The following CAMTA1 variants were observed in gnomAD, a reference collection of about 807,000 sequenced individuals.
CAMTA1 encodes calmodulin binding transcription activator 1, also known as calmodulin-binding transcription activator 1.
CAMTA1 carries 27 observed loss-of-function variants against 170.9 expected under a neutral mutation model. The ratio of observed to expected loss-of-function variants is 0.16; its 90% CI spans 0.12 to 0.22. CAMTA1 has a LOEUF of 0.22. Among genes scored for constraint, CAMTA1 ranks in the 10% least tolerant of loss-of-function variants. The pLI, the probability that CAMTA1 is intolerant of heterozygous loss-of-function variation, is 1.00. For missense variants in CAMTA1, 1,619 were observed against 2,217.2 expected (o/e 0.73, Z 5.42); for synonymous variants, 833 against 891.5 (o/e 0.93, Z 1.17).
At chr1:7,441,561 G>A (rs868815202) in intron 5 of CAMTA1, 8 of 152,244 alleles carry the variant, frequency 5.3e-5, no homozygotes, top group African/African-American at 1.4e-4. Flanking sequence ...CGCGAGCCAC[G>A]GGAGCTTGCA....
intron 3 of CAMTA1, among the ~76,000 whole-genome samples, chr1:7,052,373 T>A (rs929718915): frequency 1.3e-5 from 2 of 152,268 alleles, no homozygotes; most frequent in Admixed American, 6.5e-5. Flanking sequence ...GCCCTGGGTC[T>A]GTTCTCTGTG....
At chr1:7,762,351 T>C (rs1312149307) in intron 22 of CAMTA1, among the ~76,000 whole-genome samples, 1 of 152,250 alleles carries the variant, frequency 6.6e-6, no homozygotes, top group African/African-American at 2.4e-5. Context: ...CCTTAACTAA[T>C]AACAAGGTGA....
In CAMTA1 at chr1:7,535,186, C is replaced by T. The variant is rs114062963; in HGVS notation, c.510+67285C>T. ...CAGTGAGTTTCAGTGAATGAATGAA[C>T]GAATGACTCTGGTGACAAGGGGCTC... On this transcript the variant is annotated intron_variant, in intron 6 of 22. Coordinates refer to ENST00000303635, the MANE Select transcript of CAMTA1 (RefSeq NM_015215.4). 5.1e-3 allele frequency among the ~76,000 whole-genome samples: 778 copies of T among 152,218 alleles called. 6 individuals are homozygous for T. The highest frequency in any genetic ancestry group is 0.018 in the African/African-American group (738 of 41,524).
chr1:7,047,035 C>T (rs942048107), intron 3 of CAMTA1, among the ~76,000 whole-genome samples: 1 of 152,106 alleles, frequency 6.6e-6, no homozygotes, highest in Non-Finnish European at 1.5e-5. Context: ...TTGGCTCATG[C>T]AGGGTGAGCA....
At chr1:7,501,216 C>A (rs1479862499) in intron 6 of CAMTA1, among the ~76,000 whole-genome samples, 1 of 152,172 alleles carries the variant, frequency 6.6e-6, no homozygotes, top group African/African-American at 2.4e-5. Context: ...CCTGCCCTTC[C>A]AGTCAGCAGA....
At chr1:7,660,455 T>C (rs1328488748) in intron 7 of CAMTA1, among the ~76,000 whole-genome samples, 1 of 152,184 alleles carries the variant, frequency 6.6e-6, no homozygotes. Flanking sequence ...GGAGGATCAC[T>C]TGAACCCACG....
chr1:7,422,832 C>G lies in CAMTA1; in HGVS notation c.439-44998C>G, dbSNP rs17030809. ...CCCCTACATTGGGGTCTGCAAGCAC[C>G]AAGTGGAGGGCATGCTTTCCATTGG... On this transcript the variant is annotated intron_variant, in intron 5 of 22. Transcript: ENST00000303635. 7.2e-3 allele frequency among the ~76,000 whole-genome samples: 1,092 copies of G among 152,310 alleles called. 11 individuals carry two copies. The highest frequency in any genetic ancestry group is 0.025 in the African/African-American group (1,047 of 41,566).
At chr1:7,369,932 A>C (rs567251156) in intron 5 of CAMTA1, 4 of 152,370 alleles carry the variant, frequency 2.6e-5, no homozygotes, top group African/African-American at 7.2e-5. Context: ...GAGAGTGTCT[A>C]GGAACTAAAT....
In CAMTA1 at chr1:7,681,185, C is replaced by T. The variant is rs1250405576; in HGVS notation, c.2914+3452C>T. The stretch of plus-strand genomic sequence containing the variant: ...CCACTGTGAGCTCCAGGGTCAAAGG[C>T]CCTGTCTGCTGGACCCCCATCACTT... On this transcript the variant is annotated intron_variant, in intron 11 of 22. Transcript: ENST00000303635. This position sits in a 1 kb window ranked among gnomAD's most constrained non-coding sequence, Gnocchi z 4.6. Among the ~76,000 whole-genome samples the T allele has an allele frequency of 6.6e-6, 1 of 152,192 alleles. No homozygotes were observed. Among genetic ancestry groups the T allele is most frequent in the African/African-American group, 2.4e-5 (1 of 41,452 alleles).
chr1:7,474,590 C>T (rs1028380422), intron 6 of CAMTA1, among the ~76,000 whole-genome samples: 6 of 152,222 alleles, frequency 3.9e-5, no homozygotes, highest in African/African-American at 1.4e-4. Flanking sequence ...CCCTAGCATC[C>T]CACCTCTGCA....
At chr1:7,622,437 A>G (rs1262337384) in intron 6 of CAMTA1, among the ~76,000 whole-genome samples, 2 of 152,226 alleles carry the variant, frequency 1.3e-5, no homozygotes, top group East Asian at 3.8e-4. Context: ...TATTCTTTCT[A>G]TCTTATTTGA....
intron 6 of CAMTA1, among the ~76,000 whole-genome samples, chr1:7,494,422 T>C (rs1396343483): frequency 6.6e-6 from 1 of 152,172 alleles, no homozygotes; most frequent in Non-Finnish European, 1.5e-5. Flanking sequence ...GGCTGAGGCA[T>C]GGAGGGGCTC....
At chr1:6,809,838 A>G (rs1282807966) in intron 1 of CAMTA1, among the ~76,000 whole-genome samples, 1 of 152,104 alleles carries the variant, frequency 6.6e-6, no homozygotes, top group Non-Finnish European at 1.5e-5. Flanking sequence ...GTCAGTCGTA[A>G]TGCTGCAGAG....
At chr1:7,368,186 T>C (rs1289652265) in intron 5 of CAMTA1, among the ~76,000 whole-genome samples, 1 of 139,750 alleles carries the variant, frequency 7.2e-6, no homozygotes, top group East Asian at 2.3e-4. Context: ...GATGGTTTCA[T>C]TGGGCACAGA....
intron 4 of CAMTA1, among the ~76,000 whole-genome samples, chr1:7,117,260 C>T (rs1009712630): frequency 6.6e-6 from 1 of 152,192 alleles, no homozygotes; most frequent in African/African-American, 2.4e-5. Flanking sequence ...TGTGAGCCAC[C>T]ACACCTGGCC....
chr1:7,226,679 C>G (rs1482587489), intron 4 of CAMTA1, among the ~76,000 whole-genome samples: 1 of 152,096 alleles, frequency 6.6e-6, no homozygotes, highest in Non-Finnish European at 1.5e-5. Flanking sequence ...GAAATGAGAT[C>G]TCACCATGCA....
chr1:7,149,055 CA>C (rs146806474), intron 4 of CAMTA1, among the ~76,000 whole-genome samples: 7,849 of 152,298 alleles, frequency 0.052, 447 homozygotes, highest in African/African-American at 0.15. Flanking sequence ...GGTGTTTCCA[CA>C]ATCATCCACT....
intron 5 of CAMTA1, among the ~76,000 whole-genome samples, chr1:7,417,701 A>T (rs2091283129): frequency 6.6e-6 from 1 of 152,128 alleles, no homozygotes; most frequent in Non-Finnish European, 1.5e-5. Context: ...TAGGAAAGGG[A>T]ACTCCCTGAC....
At position 7,761,235 on chromosome 1, in the gene CAMTA1, A is replaced by T. The variant is rs185946804; in HGVS notation, c.4990-5224A>T. On this transcript the variant is annotated intron_variant, in intron 22 of 22. Transcript: ENST00000303635. ...CAGTCTTGCTATTCTAATTACTGTG[A>T]GTCTGAGCCAATAAGAGTTCTACTT... Among the ~76,000 whole-genome samples, 569 of 152,282 alleles carry T rather than the reference A, an allele frequency of 3.7e-3. 2 individuals are homozygous for T. The highest frequency in any genetic ancestry group is 6.8e-3 in the Non-Finnish European group (460 of 68,026).
Sources: gnomAD v4.1 joint callset for allele counts (sites outside exome capture counted in the v4.1 genomes callset) on GRCh38, gnomAD v4.1.1 for gene constraint, Gnocchi (gnomAD v3.1) non-coding constraint, MANE v1.5 for transcripts, NCBI Gene and HGNC (gene_info 2026-07-23, HGNC 2026-07-21) for gene names.